Variants in MACROD2 observed in about 807,000 individuals in gnomAD.
MACROD2 encodes ADP-ribose glycohydrolase MACROD2.
MACROD2 carries 36 observed loss-of-function variants against 70.4 expected under a neutral mutation model. The ratio of observed to expected loss-of-function variants is 0.51; its 90% CI spans 0.39 to 0.68. The LOEUF is 0.68. MACROD2 is among the 30% of genes least tolerant of loss of function. The pLI, the probability that MACROD2 is intolerant of heterozygous loss-of-function variation, is 0.00. For synonymous variants in MACROD2, 172 were observed against 178.8 expected (o/e 0.96, Z 0.30); for missense variants, 496 against 538.4 (o/e 0.92, Z 0.78).
chr20:16,013,702 TTGTATCATACC>T lies in MACROD2; in HGVS notation c.1153+26545_1153+26555del, dbSNP rs1417671514. Among the ~76,000 whole-genome samples, 5 of 152,238 alleles carry T rather than the reference TTGTATCATACC, an allele frequency of 3.3e-5. No homozygotes were observed. The East Asian group carries it at 9.6e-4, about 29-fold the overall frequency. ...TGCTATATTTATTGTCTTTTAAATG[TTGTATCATACC>T]CAGGAGAGAGACAGAGAAAGTAACA... is the stretch of plus-strand genomic sequence containing the variant. On this transcript the variant is annotated intron_variant, in intron 15 of 17. Coordinates refer to ENST00000684519, the MANE Select transcript of MACROD2 (RefSeq NM_001351661.2).
At chr20:14,006,075 C>T (rs1035166056) in intron 2 of MACROD2, among the ~76,000 whole-genome samples, 5 of 152,174 alleles carry the variant, frequency 3.3e-5, no homozygotes, top group African/African-American at 1.2e-4. Flanking sequence ...TTTAAATACA[C>T]AATGACTTAC....
chr20:14,100,968 C>A (rs1383481186), intron 3 of MACROD2, among the ~76,000 whole-genome samples: 1 of 149,852 alleles, frequency 6.7e-6, no homozygotes, highest in African/African-American at 2.4e-5. Flanking sequence ...CCATCTCGGA[C>A]TGTGGCTGGT....
At chr20:15,885,062 T>C (rs1198101107) in intron 9 of MACROD2, among the ~76,000 whole-genome samples, 1 of 152,074 alleles carries the variant, frequency 6.6e-6, no homozygotes, top group Non-Finnish European at 1.5e-5. Flanking sequence ...ATATGAATTT[T>C]GGGGGGATAC....
intron 13 of MACROD2, among the ~76,000 whole-genome samples, chr20:15,985,264 A>G (rs1360774555): frequency 2.0e-5 from 3 of 152,138 alleles, no homozygotes; most frequent in Non-Finnish European, 4.4e-5. Context: ...ACTCACCACA[A>G]GACAAAGAAC....
At chr20:15,881,672 T>A (rs937035187) in intron 9 of MACROD2, among the ~76,000 whole-genome samples, 4 of 152,120 alleles carry the variant, frequency 2.6e-5, no homozygotes, top group African/African-American at 9.6e-5. Flanking sequence ...CAGGCTTCTC[T>A]CATAATCATG....
intron 8 of MACROD2, among the ~76,000 whole-genome samples, chr20:15,649,020 A>T (rs1269515053): frequency 1.3e-5 from 2 of 150,730 alleles, no homozygotes; most frequent in East Asian, 4.1e-4. Context: ...TGAAGAATGT[A>T]TCTGGAACTG....
At chr20:15,337,285 T>G (rs1028842266) in intron 6 of MACROD2, among the ~76,000 whole-genome samples, 1 of 151,756 alleles carries the variant, frequency 6.6e-6, no homozygotes, top group African/African-American at 2.4e-5. Flanking sequence ...TTTTGATTTT[T>G]TTTCCTGGAG....
intron 8 of MACROD2, among the ~76,000 whole-genome samples, chr20:15,691,786 C>A (rs1055745937): frequency 1.3e-5 from 2 of 152,206 alleles, no homozygotes; most frequent in East Asian, 3.8e-4. Context: ...TTTCCTCCCA[C>A]TGGCTAAGTT....
chr20:15,296,654 C>G (rs1393628722), intron 6 of MACROD2, among the ~76,000 whole-genome samples: 1 of 152,174 alleles, frequency 6.6e-6, no homozygotes, highest in Non-Finnish European at 1.5e-5. Context: ...TCTCACATAC[C>G]TGACTGCTAG....
At chr20:16,041,154 G>C (rs2067302252) in intron 15 of MACROD2, 47 bp from the exon 16 acceptor site, 2 of 1,524,350 alleles carry the variant, frequency 1.3e-6, no homozygotes, top group Non-Finnish European at 9.1e-7. Flanking sequence ...CCCTCAGGCT[G>C]TTATAATTCT....
chr20:14,030,425 T>C (rs1207938538), intron 2 of MACROD2, among the ~76,000 whole-genome samples: 1 of 152,262 alleles, frequency 6.6e-6, no homozygotes, highest in East Asian at 1.9e-4. Flanking sequence ...TTCTTTTTTT[T>C]TGAGATGGAG....
At chr20:14,537,632 C>T (rs1384122322) in intron 4 of MACROD2, among the ~76,000 whole-genome samples, 1 of 152,132 alleles carries the variant, frequency 6.6e-6, no homozygotes, top group Non-Finnish European at 1.5e-5. Flanking sequence ...TGAAGCAGGG[C>T]ATCACCAATG....
intron 10 of MACROD2, among the ~76,000 whole-genome samples, chr20:15,923,400 G>A (rs1362004613): frequency 2.6e-5 from 4 of 151,998 alleles, no homozygotes; most frequent in Admixed American, 6.6e-5. Context: ...AAGAAAGACC[G>A]GCCCCCATGA....
intron 5 of MACROD2, among the ~76,000 whole-genome samples, chr20:14,976,060 G>A (rs766336029): frequency 2.0e-5 from 3 of 152,186 alleles, no homozygotes; most frequent in Non-Finnish European, 2.9e-5. Context: ...ACTTCAAAAT[G>A]TCAAGAGCAT....
intron 5 of MACROD2, among the ~76,000 whole-genome samples, chr20:15,126,574 C>A (rs2123263968): frequency 6.6e-6 from 1 of 152,076 alleles, no homozygotes; most frequent in African/African-American, 2.4e-5. Flanking sequence ...TGCAAGAATT[C>A]AAATAGAGTA....
intron 2 of MACROD2, among the ~76,000 whole-genome samples, chr20:14,055,277 C>T (rs1423588208): frequency 6.6e-6 from 1 of 152,024 alleles, no homozygotes; most frequent in Non-Finnish European, 1.5e-5. Context: ...TATAGTTTTA[C>T]TCTGGTTCTT....
At chr20:15,211,181 A>G (rs933001829) in intron 5 of MACROD2, among the ~76,000 whole-genome samples, 1 of 152,238 alleles carries the variant, frequency 6.6e-6, no homozygotes, top group Non-Finnish European at 1.5e-5. Flanking sequence ...TCTTATATAA[A>G]TGGAATTATA....
chr20:14,840,194 T>C (rs2073072768), intron 5 of MACROD2, among the ~76,000 whole-genome samples: 1 of 151,978 alleles, frequency 6.6e-6, no homozygotes, highest in African/African-American at 2.4e-5. Flanking sequence ...CCTGCCACCA[T>C]GGCTGGCTAA....
At chr20:15,237,907 C>CAG (rs1430775389) in intron 6 of MACROD2, among the ~76,000 whole-genome samples, 1 of 152,124 alleles carries the variant, frequency 6.6e-6, no homozygotes, top group Non-Finnish European at 1.5e-5. Context: ...AAAGCTCAGG[C>CAG]AGAGAGTGAC....
Sources: allele counts gnomAD v4.1 joint callset (sites outside exome capture counted in the v4.1 genomes callset), GRCh38; gene constraint gnomAD v4.1.1; transcripts MANE v1.5; gene names NCBI Gene and HGNC (gene_info 2026-07-23, HGNC 2026-07-21).